Variants in ARK2C observed in about 807,000 individuals in gnomAD.
The protein encoded by ARK2C is E3 ubiquitin-protein ligase ARK2C.
chr18:46,381,097 T>C, the ARK2C span, among the ~76,000 whole-genome samples: 7 of 152,166 alleles, frequency 4.6e-5, no homozygotes, highest in Non-Finnish European at 8.8e-5. Flanking sequence ...ATCTGTAAAA[T>C]AGGGACAAGG....
chr18:46,436,271 T>G, the ARK2C span, among the ~76,000 whole-genome samples: 40 of 152,108 alleles, frequency 2.6e-4, no homozygotes, highest in Non-Finnish European at 4.4e-5. Flanking sequence ...TGTGGGTATA[T>G]ATGTATGTGT....
At chr18:46,422,741 G>A in the ARK2C span, among the ~76,000 whole-genome samples, 2 of 152,188 alleles carry the variant, frequency 1.3e-5, no homozygotes, top group Admixed American at 6.5e-5. Context: ...AAGGGCCCTG[G>A]AAGTACTCCA....
the ARK2C span, chr18:46,335,355 A>C: frequency 6.6e-6 from 1 of 152,042 alleles, no homozygotes; most frequent in African/African-American, 2.4e-5. Flanking sequence ...TGCTACAACA[A>C]TAGCTTGATT....
the ARK2C span, among the ~76,000 whole-genome samples, chr18:46,425,670 C>T: frequency 6.6e-6 from 1 of 152,120 alleles, no homozygotes; most frequent in South Asian, 2.1e-4. Flanking sequence ...TGCTCCTGCC[C>T]AGGCTCAGCC....
At chr18:46,433,216 C>T in the ARK2C span, 1 of 1,598,614 alleles carries the variant, frequency 6.3e-7, no homozygotes, top group Non-Finnish European at 8.5e-7. Flanking sequence ...GTCTCAGCAT[C>T]CTCACGCTAC....
chr18:46,365,037 C>G, the ARK2C span, among the ~76,000 whole-genome samples: 3 of 152,142 alleles, frequency 2.0e-5, no homozygotes, highest in African/African-American at 7.2e-5. Context: ...CTGGGAGTTC[C>G]CTTTCTTCTA....
chr18:46,384,208 T>C, the ARK2C span, among the ~76,000 whole-genome samples: 21 of 152,204 alleles, frequency 1.4e-4, no homozygotes, highest in East Asian at 3.7e-3. Flanking sequence ...GGCCAACCCC[T>C]CCCTCCATCT....
At chr18:46,337,883 G>A in the ARK2C span, among the ~76,000 whole-genome samples, 36 of 151,888 alleles carry the variant, frequency 2.4e-4, no homozygotes, top group East Asian at 6.0e-3. Flanking sequence ...TGTCTGGAGC[G>A]ATAGGAGGGG....
At chr18:46,352,819 GT>G in the ARK2C span, among the ~76,000 whole-genome samples, 1 of 152,214 alleles carries the variant, frequency 6.6e-6, no homozygotes, top group Non-Finnish European at 1.5e-5. Context: ...GAATTTAGGG[GT>G]TGCATTACCG....
the ARK2C span, among the ~76,000 whole-genome samples, chr18:46,429,562 G>A: frequency 6.6e-6 from 1 of 152,038 alleles, no homozygotes; most frequent in African/African-American, 2.4e-5. Context: ...TTGTTTTATT[G>A]TTAATATAGA....
At chr18:46,357,117 C>T in the ARK2C span, among the ~76,000 whole-genome samples, 4 of 152,254 alleles carry the variant, frequency 2.6e-5, no homozygotes, top group East Asian at 5.8e-4. Flanking sequence ...AGTATGAACT[C>T]GTTGTTTTAT....
chr18:46,399,405 C>T, the ARK2C span, among the ~76,000 whole-genome samples: 3 of 152,214 alleles, frequency 2.0e-5, no homozygotes, highest in Non-Finnish European at 2.9e-5. Flanking sequence ...TTAGGCTGGG[C>T]CAGGCCATGG....
chr18:46,431,039 C>T, the ARK2C span, among the ~76,000 whole-genome samples: 1 of 152,140 alleles, frequency 6.6e-6, no homozygotes, highest in Non-Finnish European at 1.5e-5. Context: ...GCTCTCCCTC[C>T]TCTTGCCCCC....
the ARK2C span, among the ~76,000 whole-genome samples, chr18:46,415,674 C>T: frequency 6.6e-6 from 1 of 152,166 alleles, no homozygotes; most frequent in African/African-American, 2.4e-5. Context: ...GCTCCAGATT[C>T]CCAACCTGGG....
At chr18:46,449,888 C>G in the ARK2C span, among the ~76,000 whole-genome samples, 1 of 152,140 alleles carries the variant, frequency 6.6e-6, no homozygotes, top group African/African-American at 2.4e-5. Context: ...TGGACTCTGC[C>G]ACCCAACTGC....
At chr18:46,409,750 G>A in the ARK2C span, among the ~76,000 whole-genome samples, 1 of 152,200 alleles carries the variant, frequency 6.6e-6, no homozygotes, top group Non-Finnish European at 1.5e-5. Flanking sequence ...GGATAGATGG[G>A]CCCTTCAGGC....
the ARK2C span, among the ~76,000 whole-genome samples, chr18:46,399,624 T>G: frequency 6.6e-6 from 1 of 152,170 alleles, no homozygotes; most frequent in African/African-American, 2.4e-5. Flanking sequence ...CAGTGCTGCC[T>G]GGCCAGGCCT....
the ARK2C span, among the ~76,000 whole-genome samples, chr18:46,347,922 C>A: frequency 6.6e-6 from 1 of 152,040 alleles, no homozygotes; most frequent in African/African-American, 2.4e-5. Context: ...TGGACCAGGC[C>A]CCGTGCAGGC....
At chr18:46,424,178 C>CT in the ARK2C span, among the ~76,000 whole-genome samples, 13 of 152,200 alleles carry the variant, frequency 8.5e-5, no homozygotes, top group African/African-American at 3.1e-4. Flanking sequence ...GGAGGGCTCC[C>CT]AAGGGAGTTA....
Sources: gnomAD v4.1 joint callset for allele counts (sites outside exome capture counted in the v4.1 genomes callset) on GRCh38, gnomAD v4.1.1 for gene constraint, MANE v1.5 for transcripts, NCBI Gene and HGNC (gene_info 2026-07-23, HGNC 2026-07-21) for gene names.